MAP6: variants seen among roughly 807,000 people sequenced by gnomAD.
MAP6 encodes the protein microtubule associated protein 6, also known as microtubule-associated protein 6.
Under a neutral mutation model 42.4 loss-of-function variants are expected in MAP6, and 26 were observed. The observed-to-expected ratio is 0.61, with a 90% CI of 0.45 to 0.85. The LOEUF is 0.85. Ranked by LOEUF, MAP6 falls within the 40% of genes least tolerant of loss-of-function variation. The pLI is 0.00. For synonymous variants in MAP6, 418 were observed against 443.8 expected (o/e 0.94, Z 0.73); for missense variants, 966 against 1,099.0 (o/e 0.88, Z 1.71).
Position 75,608,301 on chromosome 11 carries a change from C to T in MAP6, c.927G>A (p.Thr309=), listed in dbSNP as rs757502253. Reference sequence around the variant, plus strand: ...TTATTGGTTTCACAGGCTTGATGTCCGTCCATGCCCTGAATTCATTCCTGT... The same window carrying T: ...TTATTGGTTTCACAGGCTTGATGTCTGTCCATGCCCTGAATTCATTCCTGT... ...SSYRNEFRAW[T]DIKPVKPIKA... is the part of the protein sequence containing the mutation. Residue 309 remains threonine (T), a synonymous_variant, in exon 2 of 4, where the codon ACG becomes ACA. Transcript: ENST00000304771. 14 of 1,613,978 alleles carry T rather than the reference C, an allele frequency of 8.7e-6. No homozygotes were observed. Among genetic ancestry groups the T allele is most frequent in the South Asian group, 2.2e-5 (2 of 91,076 alleles).
chr11:75,630,911 C>G (rs1359282062), intron 1 of MAP6, among the ~76,000 whole-genome samples: 1 of 152,102 alleles, frequency 6.6e-6, no homozygotes, highest in Non-Finnish European at 1.5e-5. Context: ...CTGTTCTTAC[C>G]CTTGTGGTGA....
chr11:75,635,206 A>G (rs902926185), intron 1 of MAP6, among the ~76,000 whole-genome samples: 8 of 152,200 alleles, frequency 5.3e-5, no homozygotes, highest in African/African-American at 1.9e-4. Flanking sequence ...GGAGCCTCTG[A>G]AAGTAAACAG....
intron 1 of MAP6, among the ~76,000 whole-genome samples, chr11:75,633,363 CAAGT>C (rs1319178802): frequency 6.6e-6 from 1 of 152,140 alleles, no homozygotes; most frequent in Non-Finnish European, 1.5e-5. Context: ...ATTTTTCTGT[CAAGT>C]AAGTATTTCA....
In MAP6 at chr11:75,667,405, G is replaced by C; in HGVS notation, c.905+60C>G. ...CTGCGCTGGGGATCCTGGGCCCCGG[G>C]CAGCCCGCGGGGAGGGTCTGCGTGG... On this transcript the variant is annotated intron_variant, in intron 1 of 3. Transcript: ENST00000304771. This position sits in a 1 kb window ranked among gnomAD's most constrained non-coding sequence, Gnocchi z 5.6. The C allele has an allele frequency of 7.3e-7, 1 of 1,368,458 alleles. No individual in the cohort carries two copies. The highest frequency in any genetic ancestry group is 1.6e-5 in the South Asian group (1 of 63,120). The allele number at this position is 1,368,458 out of a possible 1,614,324, so 84.8% of individuals were successfully genotyped here. A position where few individuals can be genotyped will look rare whatever the true frequency, so the allele number is the denominator to read the frequency against.
intron 1 of MAP6, among the ~76,000 whole-genome samples, chr11:75,660,702 C>G (rs1003921439): frequency 6.6e-6 from 1 of 152,134 alleles, no homozygotes; most frequent in African/African-American, 2.4e-5. Context: ...CCAGTGGGAA[C>G]TTTATAAAAT....
At chr11:75,611,841 G>C (rs1942902354) in intron 1 of MAP6, among the ~76,000 whole-genome samples, 1 of 152,248 alleles carries the variant, frequency 6.6e-6, no homozygotes, top group Non-Finnish European at 1.5e-5. Context: ...CTTTTATAAA[G>C]GAGGTAACCA....
chr11:75,602,676 A>G (rs919825953), intron 3 of MAP6, among the ~76,000 whole-genome samples: 2 of 152,114 alleles, frequency 1.3e-5, no homozygotes, highest in Non-Finnish European at 2.9e-5. Context: ...CGCTTTCCCA[A>G]AACTTAGCTC....
Position 75,667,420 on chromosome 11 carries a change from G to T in MAP6, c.905+45C>A. 7.1e-7 allele frequency: 1 copy of T among 1,410,650 alleles called. No homozygotes were observed. Among genetic ancestry groups the T allele is most frequent in the South Asian group, 1.5e-5 (1 of 67,568 alleles). The allele number at this position is 1,410,650 out of a possible 1,614,324, so 87.4% of individuals were successfully genotyped here. A position where few individuals can be genotyped will look rare whatever the true frequency, so the allele number is the denominator to read the frequency against. On this transcript the variant is annotated intron_variant, in intron 1 of 3. Transcript: ENST00000304771. The surrounding 1 kb of genome is among the most constrained non-coding windows in gnomAD (Gnocchi z 5.6). ...TGGGCCCCGGGCAGCCCGCGGGGAG[G>T]GTCTGCGTGGTGACTCCCCCGCGCT...
At chr11:75,648,619 G>C (rs983295202) in intron 1 of MAP6, among the ~76,000 whole-genome samples, 1 of 152,176 alleles carries the variant, frequency 6.6e-6, no homozygotes, top group Non-Finnish European at 1.5e-5. Flanking sequence ...TAAAGGCAAG[G>C]ACTAAGTCCA....
chr11:75,611,161 C>T (rs1433779684), intron 1 of MAP6, among the ~76,000 whole-genome samples: 3 of 152,232 alleles, frequency 2.0e-5, no homozygotes, highest in South Asian at 2.1e-4. Context: ...CCTTCAGAGT[C>T]GAAGCCTTGC....
At position 75,655,858 on chromosome 11, in the gene MAP6, C is replaced by T. The variant is rs767298257; in HGVS notation, c.905+11607G>A. 4.6e-5 allele frequency among the ~76,000 whole-genome samples: 7 copies of T among 152,362 alleles called. No homozygotes were observed. The East Asian group carries it at 5.8e-4, about 13-fold the overall frequency. On this transcript the variant is annotated intron_variant, in intron 1 of 3. Coordinates refer to ENST00000304771, the MANE Select transcript of MAP6 (RefSeq NM_033063.2). The stretch of plus-strand genomic sequence containing the variant: ...GAGGAGAATTAGATTCCTGAGCCAG[C>T]TCAGCCACTAACTGTTTCTATAACC...
At chr11:75,638,196 T>A (rs1943404179) in intron 1 of MAP6, among the ~76,000 whole-genome samples, 1 of 152,182 alleles carries the variant, frequency 6.6e-6, no homozygotes, top group East Asian at 1.9e-4. Flanking sequence ...CTTACAGCAA[T>A]CCTGGTGGCT....
intron 1 of MAP6, among the ~76,000 whole-genome samples, chr11:75,645,269 A>C (rs1943537240): frequency 6.6e-6 from 1 of 151,990 alleles, no homozygotes; most frequent in South Asian, 2.1e-4. Context: ...GCAGGGCCAC[A>C]AAGGTTGCCC....
intron 1 of MAP6, among the ~76,000 whole-genome samples, chr11:75,645,903 G>T (rs563386110): frequency 5.3e-5 from 8 of 152,046 alleles, no homozygotes; most frequent in Non-Finnish European, 1.0e-4. Flanking sequence ...TAAAGACGAG[G>T]AGGATATATT....
chr11:75,590,368 C>G (rs1205918540), intron 3 of MAP6, among the ~76,000 whole-genome samples: 2 of 152,142 alleles, frequency 1.3e-5, no homozygotes, highest in Non-Finnish European at 2.9e-5. Context: ...AGAACCTATC[C>G]CAAGGGTAGG....
chr11:75,650,038 G>A (rs1407852459), intron 1 of MAP6, among the ~76,000 whole-genome samples: 1 of 152,160 alleles, frequency 6.6e-6, no homozygotes, highest in African/African-American at 2.4e-5. Flanking sequence ...CTTTGGCCAT[G>A]AGCTCCCTCC....
At chr11:75,607,246 T>C in intron 2 of MAP6, 1 of 985,432 alleles carries the variant, frequency 1.0e-6, no homozygotes, top group Non-Finnish European at 1.2e-6. Context: ...AATAGGAAAC[T>C]CCACTGAAGT....
Position 75,667,944 on chromosome 11 carries a change from T to C in MAP6, c.426A>G (p.Glu142=). 7.4e-7 allele frequency: 1 copy of C among 1,352,036 alleles called. No homozygotes were observed. The highest frequency in any genetic ancestry group is 9.6e-7 in the Non-Finnish European group (1 of 1,045,886). 83.8% of individuals were successfully genotyped at this position (1,352,036 alleles called of 1,614,324 possible). A position where few individuals can be genotyped will look rare whatever the true frequency, so the allele number is the denominator to read the frequency against. ...CGAAGGGAGCGTCGGAGGGCTGGTA[T>C]TCGCTGCGCGGCCGGCAGCTGGGCT... ...RPEPSCRPRS[E]YQPSDAPFER... Residue 142 remains glutamate (E), a synonymous_variant, in exon 1 of 4, where the codon GAA becomes GAG. Coordinates refer to ENST00000304771, the MANE Select transcript of MAP6 (RefSeq NM_033063.2). This position sits in a 1 kb window ranked among gnomAD's most constrained non-coding sequence, Gnocchi z 5.6.
At chr11:75,659,011 G>A (rs979969937) in intron 1 of MAP6, among the ~76,000 whole-genome samples, 1 of 152,202 alleles carries the variant, frequency 6.6e-6, no homozygotes, top group Non-Finnish European at 1.5e-5. Context: ...TAAGACTCCT[G>A]AGAGCAGGGA....
Sources: allele counts gnomAD v4.1 joint callset (sites outside exome capture counted in the v4.1 genomes callset), GRCh38; gene constraint gnomAD v4.1.1; non-coding constraint Gnocchi (gnomAD v3.1); transcripts MANE v1.5; gene names NCBI Gene and HGNC (gene_info 2026-07-23, HGNC 2026-07-21).